The following RUNX2 variants were observed in gnomAD, a reference collection of about 807,000 sequenced individuals.
RUNX2 encodes runt-related transcription factor 2.
RUNX2 carries 10 observed loss-of-function variants against 51.7 expected under a neutral mutation model. That is an observed-to-expected ratio of 0.19 (90% confidence interval 0.12 to 0.33). RUNX2 has a LOEUF of 0.33. Ranked by LOEUF, RUNX2 falls within the 10% of genes least tolerant of loss-of-function variation. RUNX2 has a pLI of 1.00. For missense variants in RUNX2, 562 were observed against 691.3 expected, an observed-to-expected ratio of 0.81 and a Z score of 2.10; for synonymous variants, 276 against 273.6, an observed-to-expected ratio of 1.01 and a Z score of -0.09.
At chr6:45,504,480 C>T (rs1489938900) in intron 6 of RUNX2, among the ~76,000 whole-genome samples, 1 of 152,186 alleles carries the variant, frequency 6.6e-6, no homozygotes, top group Non-Finnish European at 1.5e-5. Context: ...TCTTCCTATG[C>T]TTGGAGGAGG....
intron 7 of RUNX2, among the ~76,000 whole-genome samples, chr6:45,521,280 A>G (rs1474950148): frequency 1.3e-5 from 2 of 152,260 alleles, no homozygotes; most frequent in Non-Finnish European, 1.5e-5. Context: ...GGGCAAAACA[A>G]GAGAAACTTT....
At chr6:45,502,545 C>T (rs1448166226) in intron 6 of RUNX2, among the ~76,000 whole-genome samples, 2 of 152,102 alleles carry the variant, frequency 1.3e-5, no homozygotes, top group Non-Finnish European at 2.9e-5. Context: ...GCTCACCTTA[C>T]CCATCCAGAA....
At chr6:45,435,608 T>G (rs1157947387) in intron 4 of RUNX2, among the ~76,000 whole-genome samples, 1 of 152,172 alleles carries the variant, frequency 6.6e-6, no homozygotes, top group Non-Finnish European at 1.5e-5. Context: ...TCTGCCCTCC[T>G]CCACCTCCCA....
At chr6:45,359,159 T>TA (rs960413638) in intron 2 of RUNX2, among the ~76,000 whole-genome samples, 4 of 152,148 alleles carry the variant, frequency 2.6e-5, no homozygotes, top group Non-Finnish European at 5.9e-5. Context: ...AATATTTAAA[T>TA]AAAAAAATCA....
rs1798833635 is a variant in RUNX2 at position 45,441,222 on chromosome 6, G to T, written c.685+3171G>T. Among the ~76,000 whole-genome samples, 5 of 152,122 alleles carry T rather than the reference G, an allele frequency of 3.3e-5. No homozygotes were observed. In the South Asian group the frequency reaches 1.0e-3, roughly 31 times the overall value. On this transcript the variant is annotated intron_variant, in intron 5 of 8. Transcript: ENST00000647337. The stretch of plus-strand genomic sequence containing the variant: ...TGAGGATTTTGTACTATCGGTTCCT[G>T]TTGTTGGAATTTCACTCCTTCCTCT...
At chr6:45,413,743 C>A (rs1454621915) in intron 2 of RUNX2, among the ~76,000 whole-genome samples, 2 of 151,950 alleles carry the variant, frequency 1.3e-5, no homozygotes, top group African/African-American at 4.8e-5. Flanking sequence ...AAGATACATT[C>A]TTTTGTGGAA....
intron 5 of RUNX2, among the ~76,000 whole-genome samples, chr6:45,447,201 G>A (rs935016280): frequency 1.3e-5 from 2 of 152,258 alleles, no homozygotes; most frequent in Non-Finnish European, 2.9e-5. Flanking sequence ...GAGTGGCAGT[G>A]TGCAGCAGGC....
chr6:45,451,526 A>G (rs1407623673), intron 5 of RUNX2, among the ~76,000 whole-genome samples: 1 of 152,222 alleles, frequency 6.6e-6, no homozygotes, highest in Non-Finnish European at 1.5e-5. Flanking sequence ...GGCTTGTAAA[A>G]TTGAACCTAT....
chr6:45,450,787 T>A (rs1472533063), intron 5 of RUNX2, among the ~76,000 whole-genome samples: 1 of 152,150 alleles, frequency 6.6e-6, no homozygotes, highest in African/African-American at 2.4e-5. Context: ...ATCTAATATC[T>A]AATTTTGCAA....
intron 5 of RUNX2, among the ~76,000 whole-genome samples, chr6:45,450,717 G>A (rs1799144625): frequency 6.6e-6 from 1 of 152,146 alleles, no homozygotes; most frequent in African/African-American, 2.4e-5. Context: ...AGAGTTGGGG[G>A]AAGAGACATC....
intron 7 of RUNX2, chr6:45,513,712 T>A (rs1221977507): frequency 6.6e-6 from 1 of 152,176 alleles, no homozygotes; most frequent in East Asian, 1.9e-4. Flanking sequence ...GAAAACCATG[T>A]TACCACTTTT....
At chr6:45,368,500 A>G (rs2150295902) in intron 2 of RUNX2, among the ~76,000 whole-genome samples, 1 of 152,302 alleles carries the variant, frequency 6.6e-6, no homozygotes, top group East Asian at 1.9e-4. Flanking sequence ...AATGCACTGA[A>G]CATGCTACTG....
chr6:45,366,613 A>T (rs1795182009), intron 2 of RUNX2, among the ~76,000 whole-genome samples: 1 of 151,984 alleles, frequency 6.6e-6, no homozygotes. Flanking sequence ...TTTTTTTCAC[A>T]ATCAGGCAAG....
intron 2 of RUNX2, among the ~76,000 whole-genome samples, chr6:45,387,856 AG>A (rs1797385077): frequency 6.6e-6 from 1 of 152,248 alleles, no homozygotes. Flanking sequence ...AATTGGACTT[AG>A]CCAGTTGAAG....
intron 5 of RUNX2, among the ~76,000 whole-genome samples, chr6:45,445,560 G>A (rs1450842711): frequency 6.6e-6 from 1 of 152,170 alleles, no homozygotes; most frequent in Non-Finnish European, 1.5e-5. Flanking sequence ...CAAAGCATTA[G>A]TAGAGAAGCC....
rs1453274544 is a variant in RUNX2 at position 45,328,753 on chromosome 6, A to G, written c.27A>G (p.Thr9=). The change falls in exon 2 of 9, where the codon ACA becomes ACG. Residue 9 remains threonine (T), a synonymous_variant. Transcript: ENST00000647337. The part of the protein sequence containing the change: MASNSLFS[T]VTPCQQNFFW... The stretch of plus-strand genomic sequence containing the variant: ...TGGCATCAAACAGCCTCTTCAGCAC[A>G]GTGACACCATGTCAGCAAAACTTCT... The G allele has an allele frequency of 1.2e-6, 2 of 1,612,106 alleles. No individual in the cohort carries two copies. Among genetic ancestry groups the G allele is most frequent in the Non-Finnish European group, 1.7e-6 (2 of 1,178,728 alleles).
intron 7 of RUNX2, among the ~76,000 whole-genome samples, chr6:45,525,450 G>A (rs891707002): frequency 2.0e-5 from 3 of 152,204 alleles, no homozygotes; most frequent in East Asian, 3.9e-4. Context: ...TCATAGCATC[G>A]TTGACAGTGT....
At chr6:45,383,859 A>G (rs1221440836) in intron 2 of RUNX2, among the ~76,000 whole-genome samples, 1 of 152,244 alleles carries the variant, frequency 6.6e-6, no homozygotes, top group Non-Finnish European at 1.5e-5. Context: ...CCTACTTCAC[A>G]TTCTGAAGGT....
intron 2 of RUNX2, among the ~76,000 whole-genome samples, chr6:45,359,071 C>CT (rs998953953): frequency 6.6e-6 from 1 of 152,068 alleles, no homozygotes; most frequent in African/African-American, 2.4e-5. Context: ...AAGCAAGACA[C>CT]TTTTTTCCCT....
Sources: allele counts gnomAD v4.1 joint callset (sites outside exome capture counted in the v4.1 genomes callset), GRCh38; gene constraint gnomAD v4.1.1; transcripts MANE v1.5; gene names NCBI Gene and HGNC (gene_info 2026-07-23, HGNC 2026-07-21).